Variants in TECRL observed in about 807,000 individuals in gnomAD.
TECRL encodes trans-2,3-enoyl-CoA reductase-like.
Under a neutral mutation model 52.8 loss-of-function variants are expected in TECRL, and 63 were observed. The observed-to-expected ratio is 1.19, with a 90% CI of 0.97 to 1.47. The LOEUF (loss-of-function observed/expected upper bound fraction) is 1.47. Ranked by LOEUF, TECRL falls within the 40% of genes most tolerant of loss-of-function variation. The pLI, the probability that TECRL is intolerant of heterozygous loss-of-function variation, is 0.00. For synonymous variants in TECRL, 164 were observed against 141.9 expected, an observed-to-expected ratio of 1.16 and a Z score of -1.10; for missense variants, 482 against 429.6, an observed-to-expected ratio of 1.12 and a Z score of -1.08.
At chr4:64,331,753 T>G (rs184934325) in intron 2 of TECRL, among the ~76,000 whole-genome samples, 2 of 152,138 alleles carry the variant, frequency 1.3e-5, no homozygotes, top group African/African-American at 4.8e-5. Context: ...GATAGTGTAG[T>G]CATGCAGAAC....
chr4:64,303,809 T>C (rs1405621765), intron 7 of TECRL, among the ~76,000 whole-genome samples: 1 of 151,864 alleles, frequency 6.6e-6, no homozygotes, highest in Non-Finnish European at 1.5e-5. Flanking sequence ...ATCTCATGTA[T>C]ATTACAACCA....
intron 2 of TECRL, among the ~76,000 whole-genome samples, chr4:64,333,356 T>C (rs1381548885): frequency 6.6e-6 from 1 of 152,088 alleles, no homozygotes; most frequent in African/African-American, 2.4e-5. Context: ...TTACTGTCAA[T>C]AGAACACGTC....
intron 2 of TECRL, among the ~76,000 whole-genome samples, chr4:64,337,214 C>CA (rs1443103496): frequency 2.0e-5 from 3 of 152,060 alleles, no homozygotes; most frequent in Non-Finnish European, 2.9e-5. Flanking sequence ...AGGCCTTTGA[C>CA]AAAATTCAGC....
At chr4:64,304,992 A>G (rs575905285) in intron 7 of TECRL, 174 bp downstream of exon 7, 4 of 429,262 alleles carry the variant, frequency 9.3e-6, no homozygotes, top group Non-Finnish European at 1.7e-5. Context: ...AAATAAAAAT[A>G]TATGAGTCAA....
intron 2 of TECRL, among the ~76,000 whole-genome samples, chr4:64,374,880 A>T (rs1214364076): frequency 6.6e-6 from 1 of 152,132 alleles, no homozygotes; most frequent in Non-Finnish European, 1.5e-5. Context: ...ATACATGTGC[A>T]TGTGTCTTTA....
intron 3 of TECRL, among the ~76,000 whole-genome samples, chr4:64,325,175 GC>G (rs1458738930): frequency 1.3e-5 from 2 of 152,162 alleles, no homozygotes; most frequent in African/African-American, 4.8e-5. Flanking sequence ...GTGACAGCCA[GC>G]AAGAACACAG....
At position 64,286,585 on chromosome 4, in the gene TECRL, G is replaced by A. The variant is rs191998454; in HGVS notation, c.832+3125C>T. On this transcript the variant is annotated intron_variant, in intron 9 of 11. Transcript: ENST00000381210. ...ACTAGAAGAGTACCTAGTGATCTGG[G>A]GAAATTGGTTGGGAATCATCAACCC... Among the ~76,000 whole-genome samples the A allele has an allele frequency of 2.0e-4, 30 of 150,926 alleles. 1 individual carries two copies. The Middle Eastern group carries it at 0.014, about 70-fold the overall frequency.
intron 8 of TECRL, among the ~76,000 whole-genome samples, chr4:64,295,373 GTTA>G (rs71203154): frequency 0.91 from 138,045 of 150,928 alleles, 63,389 homozygotes; most frequent in East Asian, 1. Context: ...TATAGGAGAT[GTTA>G]TTATCAATCA....
intron 2 of TECRL, among the ~76,000 whole-genome samples, chr4:64,332,492 C>G (rs1305688897): frequency 6.6e-6 from 1 of 151,910 alleles, no homozygotes; most frequent in Non-Finnish European, 1.5e-5. Flanking sequence ...TAATACCAGG[C>G]CTCAATAAAA....
In TECRL at chr4:64,309,948, A is replaced by G. The variant is rs747975642; in HGVS notation, c.552-17T>C. 6.6e-7 allele frequency: 1 copy of G among 1,505,182 alleles called. No individual in the cohort carries two copies. The highest frequency in any genetic ancestry group is 9.1e-7 in the Non-Finnish European group (1 of 1,098,110). 93.2% of individuals were successfully genotyped at this position (1,505,182 alleles called of 1,614,324 possible). A position where few individuals can be genotyped will look rare whatever the true frequency, so the allele number is the denominator to read the frequency against. The stretch of plus-strand genomic sequence containing the variant: ...CAAGCCAAGCTGGAAAAAAAAATAA[A>G]ACATAAACATGAAAATCCTTTTGAA... On this transcript the variant is annotated splice_polypyrimidine_tract_variant and intron_variant, in intron 5 of 11. Transcript: ENST00000381210.
chr4:64,328,676 G>A (rs1222398056), intron 2 of TECRL, 120 bp from the exon 3 acceptor site: 3 of 771,354 alleles, frequency 3.9e-6, no homozygotes, highest in South Asian at 1.8e-5. Context: ...GTTATCTAGT[G>A]TCAGAAATAG....
At chr4:64,399,715 G>A (rs1474261565) in intron 1 of TECRL, among the ~76,000 whole-genome samples, 3 of 152,198 alleles carry the variant, frequency 2.0e-5, no homozygotes, top group African/African-American at 7.2e-5. Context: ...GGGAGTGTAA[G>A]TGGTTTTAAG....
rs757762403 is a variant in TECRL at position 64,309,914 on chromosome 4, T to C, written c.569A>G (p.His190Arg). 3.8e-6 allele frequency: 6 copies of C among 1,597,614 alleles called. No individual in the cohort carries two copies. The African/African-American group carries it at 4.1e-5, about 11-fold the overall frequency. Residue 190 changes from histidine (H) to arginine (R), a missense_variant, in exon 6 of 12, where the codon CAT (histidine) becomes CGT (arginine). His to Arg is a conservative substitution (Grantham distance 29, BLOSUM62 0). Coordinates refer to ENST00000381210, the MANE Select transcript of TECRL (RefSeq NM_001010874.5). ...AAGGTATCGGATGTAGTGTATACAA[T>C]GACAGAAGCAAGCCAAGCTGGAAAA... Reference protein sequence around the residue: ...HPVVHLACFCHCIHYIRYLLE... With the variant: ...HPVVHLACFCRCIHYIRYLLE...
chr4:64,351,900 C>T (rs1414542198), intron 2 of TECRL, among the ~76,000 whole-genome samples: 1 of 152,068 alleles, frequency 6.6e-6, no homozygotes, highest in African/African-American at 2.4e-5. Context: ...CCATTGAATG[C>T]CTTAAATCTT....
chr4:64,380,501 C>A (rs1722707312), intron 1 of TECRL, among the ~76,000 whole-genome samples: 1 of 151,900 alleles, frequency 6.6e-6, no homozygotes, highest in African/African-American at 2.4e-5. Flanking sequence ...AATCTTTTCT[C>A]CTATGTTTTC....
intron 4 of TECRL, among the ~76,000 whole-genome samples, chr4:64,320,296 T>A (rs2110025154): frequency 6.6e-6 from 1 of 152,064 alleles, no homozygotes; most frequent in African/African-American, 2.4e-5. Flanking sequence ...TTAGATTATT[T>A]CCCTATTATA....
rs1312756814 is a variant in TECRL, at chr4:64,345,562, AG to A, written c.287-17007del. Among the ~76,000 whole-genome samples, 10 of 63,208 alleles carry A rather than the reference AG, an allele frequency of 1.6e-4. No homozygotes were observed. In the East Asian group the frequency reaches 3.7e-3, roughly 23 times the overall value. 41.5% of individuals were successfully genotyped at this position (63,208 alleles called of 152,430 possible). A position where few individuals can be genotyped will look rare whatever the true frequency, so the allele number is the denominator to read the frequency against. ...CCGGGGCCTGTTGTGGGGTGGGGGG[AG>A]GGGGGAGGGATAGCATTAGGAGATA... is the stretch of plus-strand genomic sequence containing the variant. On this transcript the variant is annotated intron_variant, in intron 2 of 11. Transcript: ENST00000381210.
intron 1 of TECRL, among the ~76,000 whole-genome samples, chr4:64,395,084 G>A (rs1245759035): frequency 6.6e-6 from 1 of 151,504 alleles, no homozygotes; most frequent in Non-Finnish European, 1.5e-5. Context: ...GCTAATTTTT[G>A]TATTTTTAGT....
chr4:64,354,011 G>A (rs1438798155), intron 2 of TECRL, among the ~76,000 whole-genome samples: 3 of 152,024 alleles, frequency 2.0e-5, no homozygotes, highest in South Asian at 2.1e-4. Flanking sequence ...AGAAAGGAAT[G>A]GTATGCCACG....
Sources: gnomAD v4.1 joint callset for allele counts (sites outside exome capture counted in the v4.1 genomes callset) on GRCh38, gnomAD v4.1.1 for gene constraint, MANE v1.5 for transcripts, NCBI Gene and HGNC (gene_info 2026-07-23, HGNC 2026-07-21) for gene names.